Variants in SOHLH2 observed in about 807,000 individuals in gnomAD.
SOHLH2 encodes spermatogenesis- and oogenesis-specific basic helix-loop-helix-containing protein 2.
In SOHLH2, 22 loss-of-function variants were observed where a neutral mutation model predicts 50.4. That is an observed-to-expected ratio of 0.44 (90% CI 0.31 to 0.62). The LOEUF (loss-of-function observed/expected upper bound fraction) is 0.62. SOHLH2 is among the 20% of genes least tolerant of loss of function. SOHLH2 has a pLI of 0.08. For missense variants in SOHLH2, 412 were observed against 504.4 expected (o/e 0.82, Z 1.76); for synonymous variants, 185 against 187.3 (o/e 0.99, Z 0.10).
chr13:36,183,947 A>G (rs1203040981), intron 6 of SOHLH2, among the ~76,000 whole-genome samples: 1 of 152,176 alleles, frequency 6.6e-6, no homozygotes, highest in African/African-American at 2.4e-5. Context: ...TCACTGAAAA[A>G]CTTAACCCTC....
In SOHLH2 at chr13:36,214,539, C is replaced by T. The variant is rs766643228; in HGVS notation, c.-13G>A. On this transcript the variant is annotated 5_prime_UTR_variant, in exon 1 of 11. In the 5' UTR this introduces an upstream ATG that the reference lacks. Transcript: ENST00000379881. ...TTGAGGAAGCCATGGCCGCTGCGCA[C>T]GTGCTGGGTCCTGGGGCAGCCTCCC... 3.7e-6 allele frequency: 6 copies of T among 1,609,432 alleles called. No individual in the cohort carries two copies. Among genetic ancestry groups the T allele is most frequent in the African/African-American group, 1.3e-5 (1 of 74,862 alleles).
intron 6 of SOHLH2, chr13:36,182,377 T>G: frequency 1.3e-6 from 1 of 754,118 alleles, no homozygotes; most frequent in Non-Finnish European, 1.6e-6. Flanking sequence ...CCTCTCCTCT[T>G]GAATCTTCAC....
intron 10 of SOHLH2, among the ~76,000 whole-genome samples, chr13:36,170,145 C>T (rs1437858513): frequency 1.3e-5 from 2 of 152,056 alleles, no homozygotes; most frequent in East Asian, 1.9e-4. Context: ...ATGCTGCCCA[C>T]CTAAGAGATA....
At chr13:36,191,438 T>G (rs1432975592) in intron 5 of SOHLH2, among the ~76,000 whole-genome samples, 1 of 152,170 alleles carries the variant, frequency 6.6e-6, no homozygotes, top group Admixed American at 6.5e-5. Context: ...TCTTGTCTGT[T>G]TAAATATTGG....
At chr13:36,190,161 C>T in intron 5 of SOHLH2, 105 bp from the exon 6 acceptor site, 1 of 1,007,718 alleles carries the variant, frequency 9.9e-7, no homozygotes, top group Non-Finnish European at 1.4e-6. Flanking sequence ...CTCTAAGTCT[C>T]TTGCTTCATA....
intron 6 of SOHLH2, among the ~76,000 whole-genome samples, chr13:36,188,442 C>T (rs149243447): frequency 0.012 from 1,760 of 152,300 alleles, 11 homozygotes; most frequent in Non-Finnish European, 0.017. Context: ...CCCTCAGTCC[C>T]TTTGTAAATA....
intron 1 of SOHLH2, among the ~76,000 whole-genome samples, chr13:36,209,470 A>C (rs550556840): frequency 6.6e-6 from 1 of 152,314 alleles, no homozygotes; most frequent in Non-Finnish European, 1.5e-5. Context: ...CTGGCAGATT[A>C]AATGTCTGGT....
Position 36,193,198 on chromosome 13 carries a change from G to A in SOHLH2, c.430+423C>T, listed in dbSNP as rs1887625036. 2.0e-5 allele frequency among the ~76,000 whole-genome samples: 3 copies of A among 152,004 alleles called. No individual in the cohort carries two copies. The South Asian group carries it at 6.2e-4, about 32-fold the overall frequency. ...TGCATCTAAAATCTGAAACAGAAAG[G>A]GCAACCACCCTATTAACTTTAAGAA... On this transcript the variant is annotated intron_variant, in intron 4 of 10. Coordinates refer to ENST00000379881, the MANE Select transcript of SOHLH2 (RefSeq NM_017826.3).
At chr13:36,210,908 C>T (rs1048116775) in intron 1 of SOHLH2, among the ~76,000 whole-genome samples, 3 of 152,180 alleles carry the variant, frequency 2.0e-5, no homozygotes, top group African/African-American at 7.2e-5. Context: ...AAACACTCCT[C>T]ATTTCCAGCA....
chr13:36,174,466 C>G lies in SOHLH2; in HGVS notation c.881+10G>C. 6.2e-7 allele frequency: 1 copy of G among 1,612,346 alleles called. No homozygotes were observed. The highest frequency in any genetic ancestry group is 1.3e-5 in the African/African-American group (1 of 74,902). On this transcript the variant is annotated intron_variant, in intron 8 of 10. Transcript: ENST00000379881. ...AGCAGACTTCAGATTCGCAAAAGCCCTTATCATACCGCTGTGCCATGACAG... is the reference window on the plus strand; with the variant it reads ...AGCAGACTTCAGATTCGCAAAAGCCGTTATCATACCGCTGTGCCATGACAG...
intron 1 of SOHLH2, among the ~76,000 whole-genome samples, chr13:36,211,076 C>T (rs1287532558): frequency 1.3e-5 from 2 of 152,170 alleles, no homozygotes; most frequent in East Asian, 3.9e-4. Flanking sequence ...GTGATCACAA[C>T]AGGAGCAATT....
Position 36,202,093 on chromosome 13 carries a change from C to T in SOHLH2, c.49G>A (p.Ala17Thr). The T allele has an allele frequency of 6.2e-7, 1 of 1,613,964 alleles. No individual in the cohort carries two copies. Among genetic ancestry groups the T allele is most frequent in the Non-Finnish European group, 8.5e-7 (1 of 1,180,000 alleles). The change falls in exon 2 of 11, where the codon GCA (alanine) becomes ACA (threonine). Residue 17 changes from alanine (A) to threonine (T), a missense_variant and splice_region_variant. Ala to Thr is a moderately conservative substitution (Grantham distance 58). Transcript: ENST00000379881. ...CCAACTAATAAGATGTCTATTTTTG[C>T]CTGAAAGAGAAGGAAGCAGAGGCGT... ...CQEHCQISGQ[A>T]KIDILLVGDV...
chr13:36,190,056 G>C lies in SOHLH2; in HGVS notation c.531C>G (p.Cys177Trp). 2 of 1,594,546 alleles carry C rather than the reference G, an allele frequency of 1.3e-6. No homozygotes were observed. Among genetic ancestry groups the C allele is most frequent in the Non-Finnish European group, 1.7e-6 (2 of 1,171,326 alleles). The stretch of plus-strand genomic sequence containing the variant: ...CATTGCCATTCCTTAAAGATTCAGA[G>C]CTAGAAACAAGAGAAAATCACACCA... ...LGYFPTDLFA[C>W]SESLRNGNGL... The change falls in exon 6 of 11, where the codon TGC becomes TGG. Residue 177 changes from cysteine (C) to tryptophan (W), a missense_variant and splice_region_variant. By Grantham distance (215) the Cys-to-Trp change is radical. Transcript: ENST00000379881.
chr13:36,209,670 A>G (rs1378554616), intron 1 of SOHLH2, among the ~76,000 whole-genome samples: 2 of 152,206 alleles, frequency 1.3e-5, no homozygotes, highest in African/African-American at 4.8e-5. Flanking sequence ...AGATTTCAAC[A>G]TATGAATTCG....
chr13:36,214,288 C>T (rs1869299116), intron 1 of SOHLH2, among the ~76,000 whole-genome samples, 191 bp downstream of exon 1: 1 of 151,990 alleles, frequency 6.6e-6, no homozygotes, highest in African/African-American at 2.4e-5. Context: ...CGGGTCGGCG[C>T]TTCCCCAGCT....
At chr13:36,197,600 T>C (rs1328536214) in intron 2 of SOHLH2, among the ~76,000 whole-genome samples, 1 of 152,182 alleles carries the variant, frequency 6.6e-6, no homozygotes, top group East Asian at 1.9e-4. Context: ...GCCAGTATCA[T>C]CTTTGGGTTG....
chr13:36,173,819 G>T lies in SOHLH2; in HGVS notation c.882-9C>A, dbSNP rs1335502166. 1 of 1,613,720 alleles carries T rather than the reference G, an allele frequency of 6.2e-7. No individual in the cohort carries two copies. Among genetic ancestry groups the T allele is most frequent in the Admixed American group, 1.7e-5 (1 of 59,978 alleles). ...TCATCACACTGTTTTCCCTTGAAAG[G>T]ACAGAAAAAATTATTTGCACATTTT... On this transcript the variant is annotated splice_polypyrimidine_tract_variant and intron_variant, in intron 8 of 10. Transcript: ENST00000379881.
intron 2 of SOHLH2, among the ~76,000 whole-genome samples, chr13:36,199,156 A>G (rs1402497684): frequency 6.6e-6 from 1 of 152,222 alleles, no homozygotes; most frequent in Non-Finnish European, 1.5e-5. Flanking sequence ...AAGACTCATT[A>G]CCATAAGAAA....
chr13:36,179,401 G>A (rs185569003), intron 6 of SOHLH2, among the ~76,000 whole-genome samples: 115 of 152,122 alleles, frequency 7.6e-4, no homozygotes, highest in African/African-American at 2.4e-3. Context: ...TTAATGTGGT[G>A]AATTTCATTG....
Sources: gnomAD v4.1 joint callset for allele counts (sites outside exome capture counted in the v4.1 genomes callset) on GRCh38, gnomAD v4.1.1 for gene constraint, MANE v1.5 for transcripts, NCBI Gene and HGNC (gene_info 2026-07-23, HGNC 2026-07-21) for gene names.